Variants in OOEP observed in about 807,000 individuals in gnomAD.
OOEP encodes the protein oocyte expressed protein, also known as oocyte-expressed protein homolog.
Under a neutral mutation model 13.7 loss-of-function variants are expected in OOEP, and 16 were observed. The ratio of observed to expected loss-of-function variants is 1.16; its 90% CI spans 0.79 to 1.77. The LOEUF is 1.77. Among genes scored for constraint, OOEP ranks in the 40% most tolerant of loss-of-function variants. The probability of loss-of-function intolerance (pLI) is 0.00; values close to 1 mark genes in which losing one functional copy is unlikely to be tolerated. For missense variants in OOEP, 195 were observed against 193.1 expected (o/e 1.01, Z -0.06); for synonymous variants, 89 against 77.1 (o/e 1.15, Z -0.81).
upstream of OOEP, among the ~76,000 whole-genome samples, chr6:73,370,447 T>TC (rs397888431): frequency 6.6e-6 from 1 of 152,130 alleles, no homozygotes; most frequent in Admixed American, 6.6e-5. Context: ...GGACATTTTT[T>TC]CCCAATGTTT....
intron 2 of OOEP, among the ~76,000 whole-genome samples, chr6:73,387,892 A>G (rs933121946): frequency 1.3e-5 from 2 of 152,176 alleles, no homozygotes; most frequent in Non-Finnish European, 2.9e-5. Context: ...ATTCTGAGAC[A>G]GGGTCTTGCT....
intron 2 of OOEP, among the ~76,000 whole-genome samples, chr6:73,376,354 T>TTTTTTG: frequency 2.5e-5 from 1 of 39,692 alleles, no homozygotes; most frequent in South Asian, 7.8e-4. Flanking sequence ...GTTTTTTTTT[T>TTTTTTG]TTTTTTTTTT....
chr6:73,394,755 G>C (rs1008753183), exon 1 of OOEP: 81 of 1,115,664 alleles, frequency 7.3e-5, no homozygotes, highest in Non-Finnish European at 9.9e-5. Flanking sequence ...CGAAGTGGGC[G>C]GGATAGAGAG....
At chr6:73,375,753 A>C (rs529582365) in intron 2 of OOEP, among the ~76,000 whole-genome samples, 1 of 151,638 alleles carries the variant, frequency 6.6e-6, no homozygotes, top group South Asian at 2.1e-4. Context: ...ATTTCTCCCA[A>C]AGACATGCTG....
intron 2 of OOEP, among the ~76,000 whole-genome samples, chr6:73,385,892 T>G (rs775424942): frequency 5.6e-4 from 85 of 151,780 alleles, no homozygotes; most frequent in Non-Finnish European, 9.4e-4. Flanking sequence ...GGCCAAAAGC[T>G]ATTTTCAAAA....
At chr6:73,372,964 C>T, upstream of OOEP, 2 of 654,298 alleles carry the variant, frequency 3.1e-6, no homozygotes, top group Non-Finnish European at 5.3e-6. Context: ...TTACTGAATC[C>T]AGCCAACCAA....
chr6:73,387,357 G>C (rs1389670066), intron 2 of OOEP, among the ~76,000 whole-genome samples: 1 of 151,168 alleles, frequency 6.6e-6, no homozygotes, highest in Non-Finnish European at 1.5e-5. Flanking sequence ...AAAAATACAA[G>C]AAAAAAATTA....
chr6:73,374,766 G>A (rs756672772), upstream of OOEP, among the ~76,000 whole-genome samples: 9 of 152,042 alleles, frequency 5.9e-5, no homozygotes, highest in African/African-American at 2.2e-4. Context: ...CCTAATCGTT[G>A]TTTTGATTTA....
At chr6:73,384,807 G>A (rs551863665) in intron 2 of OOEP, among the ~76,000 whole-genome samples, 1 of 151,774 alleles carries the variant, frequency 6.6e-6, no homozygotes, top group South Asian at 2.1e-4. Flanking sequence ...CACAATCTCG[G>A]CTCACTGCAA....
intron 2 of OOEP, among the ~76,000 whole-genome samples, chr6:73,385,425 C>A (rs1312443647): frequency 2.6e-5 from 4 of 151,900 alleles, no homozygotes; most frequent in African/African-American, 7.3e-5. Flanking sequence ...GGGGATTTAT[C>A]CCAGGAATGC....
At chr6:73,378,932 A>T (rs758366055) in intron 2 of OOEP, among the ~76,000 whole-genome samples, 1 of 152,076 alleles carries the variant, frequency 6.6e-6, no homozygotes, top group Non-Finnish European at 1.5e-5. Flanking sequence ...ATAGATACTG[A>T]TATTTACTAT....
At chr6:73,379,654 A>AG (rs1222983193) in intron 2 of OOEP, among the ~76,000 whole-genome samples, 13 of 138,108 alleles carry the variant, frequency 9.4e-5, no homozygotes, top group Non-Finnish European at 1.5e-4. Flanking sequence ...AAAAAAAAAA[A>AG]AAAAAAAGTG....
chr6:73,388,221 C>T (rs921749042), intron 2 of OOEP, among the ~76,000 whole-genome samples: 25 of 152,144 alleles, frequency 1.6e-4, no homozygotes, highest in Non-Finnish European at 2.8e-4. Flanking sequence ...AAAAAAAATC[C>T]TTATGCCTCC....
intron 2 of OOEP, among the ~76,000 whole-genome samples, chr6:73,376,473 T>TTTTA (rs57494717): frequency 0.75 from 111,860 of 148,834 alleles, 42,365 homozygotes; most frequent in East Asian, 0.84. Flanking sequence ...CGAAACATGA[T>TTTTA]TTTATTTATT....
chr6:73,376,357 T>G (rs1236657801), intron 2 of OOEP, among the ~76,000 whole-genome samples: 10 of 147,762 alleles, frequency 6.8e-5, no homozygotes, highest in Non-Finnish European at 1.3e-4. Flanking sequence ...TTTTTTTTTT[T>G]TTTTTTTTTT....
chr6:73,373,388 G>C (rs941115655), upstream of OOEP: 6 of 951,430 alleles, frequency 6.3e-6, no homozygotes, highest in African/African-American at 8.2e-5. Flanking sequence ...GCAGTGGCAC[G>C]ATCTCAGCTC....
chr6:73,375,145 C>CA lies in OOEP; in HGVS notation c.26-5761dup, dbSNP rs139678898. 3.9e-3 allele frequency among the ~76,000 whole-genome samples: 597 copies of CA among 151,728 alleles called. 2 individuals are homozygous for CA. The highest frequency in any genetic ancestry group is 0.014 in the African/African-American group (572 of 41,464). ...CCCAGCCAACTCTTCTTTTAAAAAA[C>CA]AGACTTTCTTTGCTGACATACTTGA... On this transcript the variant is annotated intron_variant, in intron 2 of 3. Coordinates refer to the OOEP transcript ENST00000370363.
chr6:73,395,013 T>C, exon 1 of OOEP: 1 of 1,614,202 alleles, frequency 6.2e-7, no homozygotes, highest in Non-Finnish European at 8.5e-7. Flanking sequence ...AGGAGTTGAA[T>C]CGAACAGGTC....
At chr6:73,376,191 CAATG>C (rs1199434227) in intron 2 of OOEP, among the ~76,000 whole-genome samples, 4 of 152,098 alleles carry the variant, frequency 2.6e-5, no homozygotes, top group African/African-American at 9.7e-5. Flanking sequence ...TTATCAGTAA[CAATG>C]AAACATCCAT....
Sources: gnomAD v4.1 joint callset for allele counts (sites outside exome capture counted in the v4.1 genomes callset) on GRCh38, gnomAD v4.1.1 for gene constraint, MANE v1.5 for transcripts, NCBI Gene and HGNC (gene_info 2026-07-23, HGNC 2026-07-21) for gene names.